Variants in PLEKHH2 observed in about 807,000 individuals in gnomAD.
PLEKHH2 encodes pleckstrin homology domain-containing family H member 2.
In PLEKHH2, 129 loss-of-function variants were observed where a neutral mutation model predicts 187.9. That is an observed-to-expected ratio of 0.69 (90% confidence interval 0.59 to 0.79). The LOEUF (loss-of-function observed/expected upper bound fraction) is 0.79, where lower values mean the gene tolerates loss of function less well. Among genes scored for constraint, PLEKHH2 ranks in the 30% least tolerant of loss-of-function variants. The pLI, the probability that PLEKHH2 is intolerant of heterozygous loss-of-function variation, is 0.00. For missense variants in PLEKHH2, 2,076 were observed against 1,751.2 expected, an observed-to-expected ratio of 1.19 and a Z score of -3.31; for synonymous variants, 686 against 605.6, an observed-to-expected ratio of 1.13 and a Z score of -1.95.
chr2:43,731,898 C>A (rs1340853082), intron 19 of PLEKHH2, among the ~76,000 whole-genome samples: 2 of 152,144 alleles, frequency 1.3e-5, no homozygotes, highest in African/African-American at 4.8e-5. Context: ...CCACATCACA[C>A]CAGGCACAGC....
chr2:43,651,904 G>A (rs1666491311), intron 2 of PLEKHH2, among the ~76,000 whole-genome samples: 1 of 152,132 alleles, frequency 6.6e-6, no homozygotes, highest in African/African-American at 2.4e-5. Context: ...TTATTTTCCT[G>A]TTTTTATGTT....
At chr2:43,711,618 G>A (rs1240082267) in intron 14 of PLEKHH2, 6 of 963,242 alleles carry the variant, frequency 6.2e-6, no homozygotes, top group Admixed American at 6.2e-5. Context: ...CTGGCCGGGC[G>A]CGGTGGCTCA....
chr2:43,675,539 G>C, intron 2 of PLEKHH2: 1 of 1,613,932 alleles, frequency 6.2e-7, no homozygotes, highest in Non-Finnish European at 8.5e-7. Context: ...TCTACTACTT[G>C]CTGAGGGTTA....
At chr2:43,676,637 G>A (rs1238429234) in intron 2 of PLEKHH2, among the ~76,000 whole-genome samples, 1 of 152,104 alleles carries the variant, frequency 6.6e-6, no homozygotes, top group Non-Finnish European at 1.5e-5. Flanking sequence ...TCAGCACTGA[G>A]CCAAAAAGAA....
intron 2 of PLEKHH2, among the ~76,000 whole-genome samples, chr2:43,671,058 A>G (rs921910372): frequency 6.7e-6 from 1 of 150,174 alleles, no homozygotes; most frequent in Non-Finnish European, 1.5e-5. Context: ...ATCTCGGCTC[A>G]CTGCAACCTC....
At chr2:43,656,012 G>T (rs1352387150) in intron 2 of PLEKHH2, among the ~76,000 whole-genome samples, 1 of 151,398 alleles carries the variant, frequency 6.6e-6, no homozygotes, top group African/African-American at 2.4e-5. Context: ...AGGCTGGAGT[G>T]CAGTGGCATG....
chr2:43,703,882 A>G, intron 8 of PLEKHH2, 99 bp from the exon 9 acceptor site: 1 of 770,098 alleles, frequency 1.3e-6, no homozygotes, highest in East Asian at 2.5e-5. Flanking sequence ...TCTTAAATGA[A>G]GAACAAATGA....
intron 2 of PLEKHH2, among the ~76,000 whole-genome samples, chr2:43,647,612 T>G (rs1210274885): frequency 6.6e-6 from 1 of 152,134 alleles, no homozygotes; most frequent in Non-Finnish European, 1.5e-5. Flanking sequence ...TATTTTTCAA[T>G]GCAAACCGTA....
rs1666120993 is a variant in PLEKHH2 at position 43,645,043 on chromosome 2, C to G, written c.123+247C>G. Among the ~76,000 whole-genome samples the G allele has an allele frequency of 2.0e-5, 3 of 151,922 alleles. No homozygotes were observed. The South Asian group carries it at 6.2e-4, about 32-fold the overall frequency. ...TGGTGAATGTAGAGTTCATTCATTC[C>G]AGAGAGAAAGCTATAATTTATTTGA... is the stretch of plus-strand genomic sequence containing the variant. On this transcript the variant is annotated intron_variant, in intron 2 of 29. Transcript: ENST00000282406.
intron 1 of PLEKHH2, among the ~76,000 whole-genome samples, chr2:43,637,971 G>T (rs1046229552): frequency 3.3e-5 from 5 of 152,230 alleles, no homozygotes; most frequent in Admixed American, 2.6e-4. Flanking sequence ...CGATATTGTT[G>T]TGCGTAACGC....
At chr2:43,644,539 C>A in intron 1 of PLEKHH2, 132 bp from the exon 2 acceptor site, 1 of 629,240 alleles carries the variant, frequency 1.6e-6, no homozygotes, top group Non-Finnish European at 2.4e-6. Context: ...AAAATTTGTA[C>A]ATGGATCTCA....
chr2:43,740,767 C>T (rs1671526945), intron 20 of PLEKHH2, 179 bp from the exon 21 acceptor site: 1 of 1,145,894 alleles, frequency 8.7e-7, no homozygotes, highest in Non-Finnish European at 1.1e-6. Context: ...ATAGATCTGA[C>T]CCAATGTAGA....
At chr2:43,688,760 A>G (rs1483888179) in intron 3 of PLEKHH2, among the ~76,000 whole-genome samples, 1 of 152,192 alleles carries the variant, frequency 6.6e-6, no homozygotes. Context: ...TCCAGGAGAA[A>G]TCAGGTATGA....
chr2:43,667,589 G>A (rs1667277117), intron 2 of PLEKHH2, among the ~76,000 whole-genome samples: 1 of 152,134 alleles, frequency 6.6e-6, no homozygotes, highest in African/African-American at 2.4e-5. Context: ...TCCGTATAGT[G>A]GAATATCATT....
intron 2 of PLEKHH2, among the ~76,000 whole-genome samples, chr2:43,677,464 A>G (rs963699340): frequency 1.9e-4 from 29 of 152,154 alleles, no homozygotes; most frequent in Admixed American, 3.3e-4. Flanking sequence ...CCCTTAATCC[A>G]TTTAACCCTG....
intron 2 of PLEKHH2, among the ~76,000 whole-genome samples, chr2:43,672,847 A>G (rs115802624): frequency 1.4e-3 from 214 of 152,236 alleles, no homozygotes; most frequent in African/African-American, 4.9e-3. Context: ...TTTATCCATA[A>G]TCCTGTCACC....
Position 43,723,222 on chromosome 2 carries a change from G to A in PLEKHH2, c.2541+2473G>A, listed in dbSNP as rs920946764. Among the ~76,000 whole-genome samples, 3 of 152,166 alleles carry A rather than the reference G, an allele frequency of 2.0e-5. No individual in the cohort carries two copies. The East Asian group carries it at 5.8e-4, about 29-fold the overall frequency. On this transcript the variant is annotated intron_variant, in intron 16 of 29. Transcript: ENST00000282406. ...ATTATTAAAAGCTTGCTTTTTAGGA[G>A]AGGCGAAATTTTACCTCTACTTTCT...
rs138501144 is a variant in PLEKHH2, at chr2:43,749,114, A to T, written c.3653+3151A>T. The stretch of plus-strand genomic sequence containing the variant: ...TGCTTAATACATACCAACTCTGAGT[A>T]TGATGGCTATGATTGGAACTGAAGT... On this transcript the variant is annotated intron_variant, in intron 24 of 29. Coordinates refer to ENST00000282406, the MANE Select transcript of PLEKHH2 (RefSeq NM_172069.4). 1.5e-3 allele frequency among the ~76,000 whole-genome samples: 231 copies of T among 152,346 alleles called. 2 individuals are homozygous for T. Among genetic ancestry groups the T allele is most frequent in the African/African-American group, 5.2e-3 (215 of 41,592 alleles).
intron 21 of PLEKHH2, among the ~76,000 whole-genome samples, chr2:43,741,970 A>AT (rs1408365581): frequency 2.6e-5 from 4 of 152,188 alleles, no homozygotes; most frequent in Non-Finnish European, 4.4e-5. Flanking sequence ...TTTTTATAGA[A>AT]TAAAGAAAGA....
Sources: allele counts gnomAD v4.1 joint callset (sites outside exome capture counted in the v4.1 genomes callset), GRCh38; gene constraint gnomAD v4.1.1; transcripts MANE v1.5; gene names NCBI Gene and HGNC (gene_info 2026-07-23, HGNC 2026-07-21).